The following NT5C2 variants were observed in gnomAD, a reference collection of about 807,000 sequenced individuals.
The protein encoded by NT5C2 is cytosolic purine 5'-nucleotidase.
Under a neutral mutation model 76.1 loss-of-function variants are expected in NT5C2, and 58 were observed. That is an observed-to-expected ratio of 0.76 (90% CI 0.62 to 0.95). The LOEUF is 0.95. Ranked by LOEUF, NT5C2 falls within the 40% of genes least tolerant of loss-of-function variation. NT5C2 has a pLI of 0.00. For missense variants in NT5C2, 478 were observed against 690.3 expected, an observed-to-expected ratio of 0.69 and a Z score of 3.45; for synonymous variants, 229 against 237.4, an observed-to-expected ratio of 0.96 and a Z score of 0.32.
chr10:103,101,134 A>G, intron 7 of NT5C2, 32 bp from the exon 8 acceptor site: 1 of 1,517,184 alleles, frequency 6.6e-7, no homozygotes, highest in Non-Finnish European at 9.1e-7. Flanking sequence ...TTCATAAGCT[A>G]TAATGAAATA....
intron 4 of NT5C2, among the ~76,000 whole-genome samples, chr10:103,135,094 GACTGTGAACTTTTTAGTT>G (rs1449367289): frequency 6.6e-6 from 1 of 152,202 alleles, no homozygotes; most frequent in African/African-American, 2.4e-5. Flanking sequence ...TGAGATATTG[GACTGTGAACTTTTTAGTT>G]AATGTTGAAA....
At chr10:103,147,965 A>G (rs2081768380) in intron 3 of NT5C2, among the ~76,000 whole-genome samples, 1 of 152,194 alleles carries the variant, frequency 6.6e-6, no homozygotes, top group African/African-American at 2.4e-5. Flanking sequence ...GGTGAATTGA[A>G]TGATACGTGA....
At chr10:103,101,469 AGAT>A (rs951503867) in intron 6 of NT5C2, 143 bp from the exon 7 acceptor site, 1 of 487,922 alleles carries the variant, frequency 2.0e-6, no homozygotes, top group African/African-American at 2.0e-5. Context: ...ATAGCTATGA[AGAT>A]GAACGAGTTC....
chr10:103,120,488 A>G (rs1360670712), intron 4 of NT5C2, among the ~76,000 whole-genome samples: 1 of 152,234 alleles, frequency 6.6e-6, no homozygotes, highest in Admixed American at 6.5e-5. Context: ...ATATTTCTCC[A>G]AAGAAGTTAT....
intron 3 of NT5C2, among the ~76,000 whole-genome samples, chr10:103,157,066 T>C (rs1421513973): frequency 2.0e-5 from 3 of 149,188 alleles, no homozygotes; most frequent in Non-Finnish European, 1.5e-5. Context: ...CTCTTATATA[T>C]ATTATATATA....
rs1325051783 is a variant in NT5C2 at position 103,177,896 on chromosome 10, A to G, written c.-24-2914T>C. On this transcript the variant is annotated intron_variant, in intron 2 of 18. Transcript: ENST00000404739. ...AGTGTCAAAATACTTCCATGACTCT[A>G]AAGTAAAACCCCTCATCCATTAAGC... Among the ~76,000 whole-genome samples, 3 of 152,192 alleles carry G rather than the reference A, an allele frequency of 2.0e-5. No homozygotes were observed. The East Asian group carries it at 5.8e-4, about 29-fold the overall frequency.
chr10:103,174,421 A>C (rs1465250383), intron 3 of NT5C2, among the ~76,000 whole-genome samples: 1 of 151,966 alleles, frequency 6.6e-6, no homozygotes, highest in Non-Finnish European at 1.5e-5. Context: ...GAAAACAAAA[A>C]CTAGCTGGGT....
intron 6 of NT5C2, among the ~76,000 whole-genome samples, chr10:103,102,824 G>A (rs2070141782): frequency 6.6e-6 from 1 of 151,838 alleles, no homozygotes; most frequent in African/African-American, 2.4e-5. Context: ...TTTTTATTAG[G>A]CAATTAGAAA....
At chr10:103,109,625 A>G (rs2072397718) in intron 4 of NT5C2, among the ~76,000 whole-genome samples, 1 of 152,218 alleles carries the variant, frequency 6.6e-6, no homozygotes, top group Non-Finnish European at 1.5e-5. Flanking sequence ...TAATTTTTTC[A>G]GAAGGACAAT....
intron 1 of NT5C2, among the ~76,000 whole-genome samples, chr10:103,192,551 G>A (rs1476526508): frequency 1.3e-5 from 2 of 152,220 alleles, no homozygotes; most frequent in African/African-American, 4.8e-5. Flanking sequence ...GCCACTGAAC[G>A]GCTCAGCCCC....
chr10:103,091,738 A>C, intron 15 of NT5C2, 123 bp from the exon 16 acceptor site: 1 of 749,344 alleles, frequency 1.3e-6, no homozygotes, highest in East Asian at 2.6e-5. Flanking sequence ...TAACATGCTG[A>C]GTGTACAGTT....
chr10:103,159,166 G>A (rs539636041), intron 3 of NT5C2, among the ~76,000 whole-genome samples: 2 of 151,920 alleles, frequency 1.3e-5, no homozygotes, highest in Admixed American at 1.3e-4. Flanking sequence ...CCAAGAGTTA[G>A]AGGCTACAGT....
At position 103,090,677 on chromosome 10, in the gene NT5C2, A is replaced by G. The variant is rs1327101008; in HGVS notation, c.1383T>C (p.Tyr461=). ...ASQVMRYADL[Y]AASFINLLYY... ...ACAGCAGGTTGATGAAAGATGCTGC[A>G]TAGAGGTCAGCATAACGCATCACTT... is the stretch of plus-strand genomic sequence containing the variant. The change falls in exon 18 of 19, where the codon TAT becomes TAC. Residue 461 remains tyrosine (Y), a synonymous_variant. Transcript: ENST00000404739. The G allele has an allele frequency of 6.2e-7, 1 of 1,614,074 alleles. No individual in the cohort carries two copies. Among genetic ancestry groups the G allele is most frequent in the East Asian group, 2.2e-5 (1 of 44,884 alleles).
intron 2 of NT5C2, among the ~76,000 whole-genome samples, chr10:103,178,221 T>C (rs1175168884): frequency 1.3e-5 from 2 of 152,140 alleles, no homozygotes; most frequent in African/African-American, 4.8e-5. Context: ...TTAAGATGGA[T>C]CATAGACCTA....
intron 4 of NT5C2, among the ~76,000 whole-genome samples, chr10:103,138,034 G>C (rs1461832893): frequency 6.6e-6 from 1 of 152,138 alleles, no homozygotes; most frequent in Non-Finnish European, 1.5e-5. Flanking sequence ...CCATGAGATG[G>C]TACCCAATGC....
intron 4 of NT5C2, among the ~76,000 whole-genome samples, chr10:103,114,004 G>A (rs9633712): frequency 6.6e-6 from 1 of 152,182 alleles, no homozygotes; most frequent in African/African-American, 2.4e-5. Context: ...CTTGTCTAGA[G>A]GAGGAAGTGG....
intron 12 of NT5C2, among the ~76,000 whole-genome samples, chr10:103,094,949 TAATA>T (rs1485902801): frequency 1.4e-4 from 21 of 147,986 alleles, no homozygotes; most frequent in African/African-American, 4.6e-4. Context: ...AAGATATAAA[TAATA>T]AATAACTGTA....
rs1357999578 is a variant in NT5C2, at chr10:103,163,868, AAAC to A, written c.101+10987_101+10989del. On this transcript the variant is annotated intron_variant, in intron 3 of 18. Coordinates refer to ENST00000404739, the MANE Select transcript of NT5C2 (RefSeq NM_001351169.2). ...CGTCTCTACTAAAAATACAAAAAAA[AAAC>A]AAAAAAAAAAAAACCTGGTGGCACA... Among the ~76,000 whole-genome samples the A allele has an allele frequency of 6.2e-3, 722 of 117,200 alleles. 10 individuals carry two copies. The highest frequency in any genetic ancestry group is 0.011 in the Non-Finnish European group (512 of 48,160). The allele number at this position is 117,200 out of a possible 152,430, so 76.9% of individuals were successfully genotyped here. A position where few individuals can be genotyped will look rare whatever the true frequency, so the allele number is the denominator to read the frequency against.
intron 16 of NT5C2, 136 bp from the exon 17 acceptor site, chr10:103,091,132 T>C: frequency 1.4e-6 from 1 of 715,990 alleles, no homozygotes; most frequent in South Asian, 1.7e-5. Flanking sequence ...CCTCCCAGCT[T>C]CAAGCGATTC....
Sources: gnomAD v4.1 joint callset for allele counts (sites outside exome capture counted in the v4.1 genomes callset) on GRCh38, gnomAD v4.1.1 for gene constraint, MANE v1.5 for transcripts, NCBI Gene and HGNC (gene_info 2026-07-23, HGNC 2026-07-21) for gene names.